Variants in SYNE2 observed in about 807,000 individuals in gnomAD.
SYNE2 encodes the protein nesprin-2.
Under a neutral mutation model 856.3 loss-of-function variants are expected in SYNE2, and 431 were observed. That is an observed-to-expected ratio of 0.50 (90% CI 0.47 to 0.55). The LOEUF is 0.55. Among genes scored for constraint, SYNE2 ranks in the 20% least tolerant of loss-of-function variants. The pLI, the probability that SYNE2 is intolerant of heterozygous loss-of-function variation, is 0.00. For missense variants in SYNE2, 8,129 were observed against 8,023.2 expected (o/e 1.01, Z -0.50); for synonymous variants, 2,923 against 2,872.3 (o/e 1.02, Z -0.56).
intron 45 of SYNE2, among the ~76,000 whole-genome samples, chr14:64,044,585 C>T (rs1489343832): frequency 6.6e-6 from 1 of 152,102 alleles, no homozygotes; most frequent in Non-Finnish European, 1.5e-5. Flanking sequence ...TGTGTCCCCA[C>T]CCAAATCTCA....
chr14:64,113,023 C>T (rs917961341), intron 65 of SYNE2: 9 of 985,178 alleles, frequency 9.1e-6, no homozygotes, highest in African/African-American at 1.7e-5. Flanking sequence ...TTAAATGTTT[C>T]GGACACACAC....
At chr14:63,876,908 C>T (rs1031516619) in intron 1 of SYNE2, among the ~76,000 whole-genome samples, 1 of 152,080 alleles carries the variant, frequency 6.6e-6, no homozygotes, top group Non-Finnish European at 1.5e-5. Flanking sequence ...AACCACTGTC[C>T]GTGGATACTC....
In SYNE2 at chr14:63,781,138, C is replaced by T. The variant is rs1411864079; in HGVS notation, c.-305+19152C>T. 2.6e-5 allele frequency among the ~76,000 whole-genome samples: 4 copies of T among 151,754 alleles called. No homozygotes were observed. In the East Asian group the frequency reaches 5.8e-4, roughly 22 times the overall value. ...CTAAAAATACAAAAAATTAGCCAGG[C>T]GTGGTGGTGCATACCTGTAATCCCA... On this transcript the variant is annotated intron_variant, in intron 1 of 23. Coordinates refer to the SYNE2 transcript ENST00000674003.
At chr14:63,942,638 G>A (rs1838349926) in intron 6 of SYNE2, among the ~76,000 whole-genome samples, 2 of 152,150 alleles carry the variant, frequency 1.3e-5, no homozygotes, top group African/African-American at 4.8e-5. Context: ...TGGGATTACA[G>A]ACATGCACCA....
intron 68 of SYNE2, 116 bp from the exon 69 acceptor site, chr14:64,121,896 A>G: frequency 3.0e-6 from 4 of 1,346,546 alleles, no homozygotes; most frequent in Non-Finnish European, 1.0e-6. Context: ...AAAGAGAAAT[A>G]GTAATTAATG....
chr14:63,804,120 AG>A (rs879598995), intron 1 of SYNE2, among the ~76,000 whole-genome samples: 3 of 152,224 alleles, frequency 2.0e-5, no homozygotes, highest in Non-Finnish European at 4.4e-5. Flanking sequence ...TGGAACTGTG[AG>A]TCAATTAAAC....
intron 2 of SYNE2, among the ~76,000 whole-genome samples, chr14:63,924,975 AT>A (rs879818791): frequency 1.2e-3 from 182 of 150,446 alleles, no homozygotes; most frequent in Non-Finnish European, 2.2e-3. Flanking sequence ...TGTTATTAGT[AT>A]TTTTTTCTTC....
intron 2 of SYNE2, among the ~76,000 whole-genome samples, chr14:63,920,204 C>T (rs28494507): frequency 0.09 from 13,631 of 151,636 alleles, 682 homozygotes; most frequent in South Asian, 0.18. Context: ...CACACAAGCG[C>T]GTAAACTATC....
At chr14:64,217,296 A>C (rs957154187) in intron 108 of SYNE2, among the ~76,000 whole-genome samples, 18 of 150,338 alleles carry the variant, frequency 1.2e-4, no homozygotes, top group Non-Finnish European at 1.9e-4. Context: ...CGTGATTATT[A>C]TTCCTGTATT....
Position 64,070,792 on chromosome 14 carries a change from T to C in SYNE2, c.10579T>C (p.Leu3527=), listed in dbSNP as rs1249169409. The C allele has an allele frequency of 1.2e-6, 2 of 1,614,216 alleles. No homozygotes were observed. The highest frequency in any genetic ancestry group is 2.2e-5 in the South Asian group (2 of 91,086). ...AGAGAACGTGGAGAAGCAACAGCTG[T>C]TACTGACTCTACTTCTTCAGCGCAT... The part of the protein sequence containing the change: ...YGENVEKQQL[L]LTLLLQRIRS... Residue 3527 remains leucine, a synonymous_variant, in exon 52 of 116, where the codon TTA becomes CTA. Coordinates refer to ENST00000555002, the MANE Select transcript of SYNE2 (RefSeq NM_182914.3).
intron 1 of SYNE2, among the ~76,000 whole-genome samples, chr14:63,854,053 C>A (rs925061585): frequency 6.6e-6 from 1 of 151,926 alleles, no homozygotes; most frequent in Non-Finnish European, 1.5e-5. Flanking sequence ...CCCCTCCCTC[C>A]GTGAAAGGGA....
intron 97 of SYNE2, 118 bp downstream of exon 97, chr14:64,186,697 C>G (rs2098493000): frequency 7.3e-7 from 1 of 1,366,862 alleles, no homozygotes; most frequent in Non-Finnish European, 1.0e-6. Context: ...TCAGTGGGAC[C>G]CCTGGCCCGG....
At chr14:63,996,472 C>G (rs1455704827) in intron 23 of SYNE2, among the ~76,000 whole-genome samples, 1 of 152,092 alleles carries the variant, frequency 6.6e-6, no homozygotes, top group African/African-American at 2.4e-5. Context: ...CCAGGAAACC[C>G]CTTTAGCATC....
intron 1 of SYNE2, among the ~76,000 whole-genome samples, chr14:63,908,438 C>G (rs777588717): frequency 2.0e-5 from 3 of 152,054 alleles, no homozygotes; most frequent in Non-Finnish European, 4.4e-5. Flanking sequence ...ATACATGAAG[C>G]AATGCTTTTA....
chr14:63,779,061 T>A (rs1228792412), intron 1 of SYNE2, among the ~76,000 whole-genome samples: 1 of 152,048 alleles, frequency 6.6e-6, no homozygotes, highest in Non-Finnish European at 1.5e-5. Context: ...GGCTCAATCC[T>A]GTAATCCTAG....
rs572922861 is a variant in SYNE2 at position 63,945,595 on chromosome 14, GT to G, written c.408+3459del. Among the ~76,000 whole-genome samples, 758 of 152,114 alleles carry G rather than the reference GT, an allele frequency of 5.0e-3. 5 individuals carry two copies. The highest frequency in any genetic ancestry group is 0.018 in the African/African-American group (731 of 41,488). Reference sequence around the variant, plus strand: ...TTGGTGCACATTTCTTTTGCTGCCAGTTTTTTTATTTGTTTGTTTTTTATTT... The same window carrying G: ...TTGGTGCACATTTCTTTTGCTGCCAGTTTTTTATTTGTTTGTTTTTTATTT... On this transcript the variant is annotated intron_variant, in intron 6 of 115. Coordinates refer to ENST00000555002, the MANE Select transcript of SYNE2 (RefSeq NM_182914.3).
intron 1 of SYNE2, among the ~76,000 whole-genome samples, chr14:63,898,653 C>T (rs535568745): frequency 3.9e-5 from 6 of 152,274 alleles, no homozygotes; most frequent in Non-Finnish European, 7.4e-5. Context: ...GATTCGCCCA[C>T]CTTGGCCTCC....
In SYNE2 at chr14:64,152,613, A is replaced by G. The variant is rs146573874; in HGVS notation, c.15689A>G (p.Lys5230Arg). The change falls in exon 85 of 116, where the codon AAA (lysine) becomes AGA (arginine). Residue 5230 changes from lysine to arginine, a missense_variant. Around this residue, in one of 3 missense-constraint regions of SYNE2, gnomAD observed 5,410 missense variants for 5,284.8 expected, o/e 1.02. Transcript: ENST00000555002. ...AIKSKALDEL[K>R]QSYLTLESGA... ...AAATCCAAAGCACTAGATGAGTTGA[A>G]ACAAAGTTATCTGACTTTGGAGAGT... is the stretch of plus-strand genomic sequence containing the variant. 1.8e-4 allele frequency: 292 copies of G among 1,613,984 alleles called. 1 individual carries two copies. The highest frequency in any genetic ancestry group is 5.7e-4 in the Admixed American group (34 of 60,000).
chr14:63,846,078 C>G (rs1232864899), intron 1 of SYNE2, among the ~76,000 whole-genome samples: 2 of 130,702 alleles, frequency 1.5e-5, no homozygotes, highest in Non-Finnish European at 3.1e-5. Context: ...AGACAAGGTT[C>G]TGGCTCTGTT....
Sources: gnomAD v4.1 joint callset for allele counts (sites outside exome capture counted in the v4.1 genomes callset) on GRCh38, gnomAD v4.1.1 for gene constraint, gnomAD v4.1.1 regional missense constraint, MANE v1.5 for transcripts, NCBI Gene and HGNC (gene_info 2026-07-23, HGNC 2026-07-21) for gene names.